Variants in ARHGEF38 observed in about 807,000 individuals in gnomAD.
ARHGEF38 encodes Rho guanine nucleotide exchange factor 38, also known as Rho guanine nucleotide exchange factor (GEF) 38.
Under a neutral mutation model 79.9 loss-of-function variants are expected in ARHGEF38, and 79 were observed. The ratio of observed to expected loss-of-function variants is 0.99; its 90% CI spans 0.82 to 1.19. The LOEUF (loss-of-function observed/expected upper bound fraction) is 1.19, where lower values mean the gene tolerates loss of function less well. Among genes scored for constraint, ARHGEF38 ranks in the 50% most tolerant of loss-of-function variants. The probability of loss-of-function intolerance (pLI) is 0.00; values close to 1 mark genes in which losing one functional copy is unlikely to be tolerated. For synonymous variants in ARHGEF38, 366 were observed against 328.3 expected (o/e 1.11, Z -1.24); for missense variants, 962 against 907.2 (o/e 1.06, Z -0.78).
At position 105,677,979 on chromosome 4, in the gene ARHGEF38, T is replaced by C. The variant is rs565492742; in HGVS notation, c.*42T>C. On this transcript the variant is annotated 3_prime_UTR_variant, in exon 14 of 14. Coordinates refer to ENST00000420470, the MANE Select transcript of ARHGEF38 (RefSeq NM_001242729.2). ...CTTTTATTTTCCAGCAAGTTGTTGA[T>C]TGACTACCTCATAAAACTGACATTA... 71 of 1,448,468 alleles carry C rather than the reference T, an allele frequency of 4.9e-5. No individual in the cohort carries two copies. The highest frequency in any genetic ancestry group is 4.1e-4 in the Middle Eastern group (2 of 4,842). 89.7% of individuals were successfully genotyped at this position (1,448,468 alleles called of 1,614,324 possible). A position where few individuals can be genotyped will look rare whatever the true frequency, so the allele number is the denominator to read the frequency against.
At chr4:105,648,771 T>C in intron 7 of ARHGEF38, 89 bp downstream of exon 7, 1 of 1,326,786 alleles carries the variant, frequency 7.5e-7, no homozygotes, top group Non-Finnish European at 1.0e-6. Flanking sequence ...GGACTATTTC[T>C]AGAATACTGA....
intron 1 of ARHGEF38, among the ~76,000 whole-genome samples, chr4:105,554,919 C>T (rs539545636): frequency 4.0e-5 from 6 of 150,758 alleles, no homozygotes; most frequent in Non-Finnish European, 8.8e-5. Context: ...TCAGGAAAAG[C>T]CCATTGCTTT....
chr4:105,588,799 T>C (rs201625095), intron 1 of ARHGEF38, among the ~76,000 whole-genome samples: 2 of 152,234 alleles, frequency 1.3e-5, no homozygotes, highest in African/African-American at 2.4e-5. Flanking sequence ...GATTTGGATA[T>C]TACCCACTGA....
At chr4:105,636,316 A>G (rs1262200316) in intron 4 of ARHGEF38, 87 bp from the exon 5 acceptor site, 2 of 222,214 alleles carry the variant, frequency 9.0e-6, no homozygotes, top group Non-Finnish European at 1.6e-5. Flanking sequence ...ATTTTACATA[A>G]GAAAATTTAA....
intron 7 of ARHGEF38, among the ~76,000 whole-genome samples, chr4:105,653,047 G>A (rs1054240401): frequency 9.2e-5 from 14 of 152,152 alleles, no homozygotes; most frequent in African/African-American, 3.4e-4. Context: ...GATTTTGCCA[G>A]GATGAGGCTG....
Position 105,589,447 on chromosome 4 carries a change from T to G in ARHGEF38, c.384+12T>G, listed in dbSNP as rs770568838. 9.4e-6 allele frequency: 15 copies of G among 1,593,158 alleles called. No individual in the cohort carries two copies. The South Asian group carries it at 1.7e-4, about 18-fold the overall frequency. Reference sequence around the variant, plus strand: ...TGAGAAATAAAAAGGTAAATATATATTTGAGATTTTTTTTTCTCTCCCATA... The same window carrying G: ...TGAGAAATAAAAAGGTAAATATATAGTTGAGATTTTTTTTTCTCTCCCATA... On this transcript the variant is annotated intron_variant, in intron 2 of 13. Coordinates refer to ENST00000420470, the MANE Select transcript of ARHGEF38 (RefSeq NM_001242729.2).
At chr4:105,599,749 A>G (rs1727744284) in intron 2 of ARHGEF38, among the ~76,000 whole-genome samples, 1 of 152,214 alleles carries the variant, frequency 6.6e-6, no homozygotes. Context: ...AGCAGATATT[A>G]AGGAAACAAT....
At chr4:105,597,885 T>G (rs2110470939) in intron 2 of ARHGEF38, among the ~76,000 whole-genome samples, 1 of 152,254 alleles carries the variant, frequency 6.6e-6, no homozygotes, top group East Asian at 1.9e-4. Flanking sequence ...ATAATGCCCT[T>G]ATTTTCTCTA....
intron 2 of ARHGEF38, among the ~76,000 whole-genome samples, chr4:105,612,227 G>A (rs149139278): frequency 6.6e-6 from 1 of 152,134 alleles, no homozygotes; most frequent in Non-Finnish European, 1.5e-5. Flanking sequence ...CTGAAATAAT[G>A]GAAAAAAGCT....
intron 2 of ARHGEF38, among the ~76,000 whole-genome samples, chr4:105,603,755 A>T (rs1386615650): frequency 1.3e-5 from 2 of 152,144 alleles, no homozygotes; most frequent in Non-Finnish European, 2.9e-5. Context: ...GACCCCCAAG[A>T]ACTGTGGGAG....
At chr4:105,597,057 T>G (rs1275185289) in intron 2 of ARHGEF38, among the ~76,000 whole-genome samples, 1 of 152,162 alleles carries the variant, frequency 6.6e-6, no homozygotes, top group South Asian at 2.1e-4. Context: ...ACCCCCAACT[T>G]GTCCATAACA....
Position 105,667,326 on chromosome 4 carries a change from A to T in ARHGEF38, c.1887A>T (p.Gly629=). ...CAAGCAGGTGGCTTGTGGACACAGG[A>T]AGTAAGTTTTTCCCCAGAACTACCA... ...GSTSRWLVDT[G]NVKGYVYSSF... Residue 629 remains glycine, a splice_region_variant and synonymous_variant, in exon 12 of 14, where the codon GGA becomes GGT. Transcript: ENST00000420470. 6.5e-7 allele frequency: 1 copy of T among 1,535,554 alleles called. No individual in the cohort carries two copies. Among genetic ancestry groups the T allele is most frequent in the Non-Finnish European group, 8.7e-7 (1 of 1,146,596 alleles).
intron 5 of ARHGEF38, among the ~76,000 whole-genome samples, chr4:105,638,891 A>T (rs926847809): frequency 6.6e-6 from 1 of 151,996 alleles, no homozygotes; most frequent in African/African-American, 2.4e-5. Context: ...TTGATGTCAT[A>T]AGTTTATTTT....
chr4:105,669,327 T>C (rs563555681), intron 13 of ARHGEF38, among the ~76,000 whole-genome samples: 2 of 152,338 alleles, frequency 1.3e-5, no homozygotes, highest in African/African-American at 4.8e-5. Flanking sequence ...AGCCTAATAA[T>C]AGATACATAG....
rs193115505 is a variant in ARHGEF38 at position 105,655,904 on chromosome 4, G to A, written c.1233+182G>A. On this transcript the variant is annotated intron_variant, in intron 9 of 13. Coordinates refer to ENST00000420470, the MANE Select transcript of ARHGEF38 (RefSeq NM_001242729.2). ...TTTAATATTTTTAAAGTGGATTAGT[G>A]AGGATTTTACTATGATGGAAATTTA... 5.9e-4 allele frequency among the ~76,000 whole-genome samples: 90 copies of A among 152,254 alleles called. 1 individual carries two copies. The highest frequency in any genetic ancestry group is 3.5e-4 in the Non-Finnish European group (24 of 68,024).
At chr4:105,667,415 GTTC>G (rs1416257522) in intron 12 of ARHGEF38, 26 bp from the exon 13 acceptor site, 2 of 1,534,380 alleles carry the variant, frequency 1.3e-6, no homozygotes, top group African/African-American at 2.7e-5. Flanking sequence ...CATGAACTTG[GTTC>G]TTCTTTCTTT....
intron 8 of ARHGEF38, among the ~76,000 whole-genome samples, chr4:105,654,716 G>T (rs1730251661): frequency 6.6e-6 from 1 of 152,144 alleles, no homozygotes; most frequent in Non-Finnish European, 1.5e-5. Context: ...CAACTAATTG[G>T]AGTACAGTAT....
intron 7 of ARHGEF38, among the ~76,000 whole-genome samples, chr4:105,649,056 T>G (rs1238440145): frequency 6.6e-6 from 1 of 152,172 alleles, no homozygotes; most frequent in African/African-American, 2.4e-5. Flanking sequence ...CTGTTTTACT[T>G]CTGCTCTTAA....
chr4:105,641,959 G>T (rs1264448668), intron 5 of ARHGEF38, among the ~76,000 whole-genome samples: 1 of 152,122 alleles, frequency 6.6e-6, no homozygotes, highest in Non-Finnish European at 1.5e-5. Flanking sequence ...GACAGAGGAA[G>T]ATGAAATAGA....
Sources: gnomAD v4.1 joint callset for allele counts (sites outside exome capture counted in the v4.1 genomes callset) on GRCh38, gnomAD v4.1.1 for gene constraint, MANE v1.5 for transcripts, NCBI Gene and HGNC (gene_info 2026-07-23, HGNC 2026-07-21) for gene names.